Variants in RAB28 observed in about 807,000 individuals in gnomAD.
RAB28 encodes the protein ras-related protein Rab-28.
RAB28 carries 24 observed loss-of-function variants against 31.7 expected under a neutral mutation model. That is an observed-to-expected ratio of 0.76 (90% confidence interval 0.55 to 1.06). RAB28 has a LOEUF of 1.06. RAB28 is among the 50% of genes least tolerant of loss of function. The pLI is 0.00. For missense variants in RAB28, 254 were observed against 258.5 expected (o/e 0.98, Z 0.12); for synonymous variants, 100 against 90.4 (o/e 1.11, Z -0.60).
intron 4 of RAB28, among the ~76,000 whole-genome samples, chr4:13,434,989 A>G (rs1198772573): frequency 1.4e-5 from 2 of 146,328 alleles, no homozygotes; most frequent in Non-Finnish European, 3.0e-5. Context: ...ACTGTACTCC[A>G]GCCTTGGCAC....
chr4:13,409,560 C>T (rs1010939435), intron 4 of RAB28, among the ~76,000 whole-genome samples: 6 of 152,150 alleles, frequency 3.9e-5, no homozygotes, highest in Non-Finnish European at 8.8e-5. Context: ...AGAGATCTGG[C>T]AGGAGCTGGA....
chr4:13,369,962 T>C (rs1728656806), intron 6 of RAB28: 3 of 1,609,494 alleles, frequency 1.9e-6, no homozygotes, highest in Non-Finnish European at 2.5e-6. Flanking sequence ...GCCCTGACAA[T>C]ACGCTGTCAA....
Position 13,368,108 on chromosome 4 carries a change from AG to A in RAB28, c.*449del. 1 of 982,470 alleles carries A rather than the reference AG, an allele frequency of 1.0e-6. No individual in the cohort carries two copies. Among genetic ancestry groups the A allele is most frequent in the Non-Finnish European group, 1.2e-6 (1 of 827,204 alleles). The allele number at this position is 982,470 out of a possible 1,614,324, so 60.9% of individuals were successfully genotyped here. ...AAAGAATGTCTTCATAAGTATCTGT[AG>A]GTAAAATATATTACTTGCTTAATGT... is the stretch of plus-strand genomic sequence containing the variant. On this transcript the variant is annotated 3_prime_UTR_variant, in exon 7 of 7. Transcript: ENST00000330852.
chr4:13,428,080 A>G (rs1438907556), intron 4 of RAB28, among the ~76,000 whole-genome samples: 1 of 152,252 alleles, frequency 6.6e-6, no homozygotes, highest in Non-Finnish European at 1.5e-5. Flanking sequence ...AGAACGGAAC[A>G]GAACAGGGGT....
At chr4:13,373,103 T>C (rs2108874843) in intron 6 of RAB28, among the ~76,000 whole-genome samples, 1 of 152,224 alleles carries the variant, frequency 6.6e-6, no homozygotes, top group South Asian at 2.1e-4. Context: ...ACCAAGTAGA[T>C]ATGGCAAAAC....
chr4:13,466,265 G>C (rs1432569227), intron 3 of RAB28, among the ~76,000 whole-genome samples: 1 of 151,798 alleles, frequency 6.6e-6, no homozygotes, highest in Admixed American at 6.6e-5. Context: ...AAAATTAACA[G>C]TGTGCAGAGA....
intron 1 of RAB28, among the ~76,000 whole-genome samples, chr4:13,480,273 T>A (rs1560149167): frequency 6.6e-6 from 1 of 151,704 alleles, no homozygotes; most frequent in African/African-American, 2.4e-5. Flanking sequence ...CCATTTCTTA[T>A]CAAAGCAAAA....
At chr4:13,438,954 T>A (rs1714273157) in intron 4 of RAB28, among the ~76,000 whole-genome samples, 1 of 152,206 alleles carries the variant, frequency 6.6e-6, no homozygotes, top group Non-Finnish European at 1.5e-5. Context: ...TCTATTCTTT[T>A]TTTTATTATA....
intron 3 of RAB28, among the ~76,000 whole-genome samples, chr4:13,469,603 T>C (rs1716024495): frequency 1.3e-5 from 2 of 152,200 alleles, no homozygotes; most frequent in South Asian, 2.1e-4. Flanking sequence ...GTTTATATAG[T>C]ACTTCGTTTT....
chr4:13,435,032 A>AAAAG (rs929456170), intron 4 of RAB28, among the ~76,000 whole-genome samples: 10 of 150,092 alleles, frequency 6.7e-5, no homozygotes, highest in African/African-American at 2.5e-4. Context: ...AAAAAAAAAA[A>AAAAG]AAAGAAAAGA....
In RAB28 at chr4:13,410,266, T is replaced by A. The variant is rs944786704; in HGVS notation, c.392-28672A>T. 7.8e-4 allele frequency among the ~76,000 whole-genome samples: 118 copies of A among 152,190 alleles called. 2 individuals are homozygous for A. The highest frequency in any genetic ancestry group is 2.7e-3 in the African/African-American group (114 of 41,516). Reference sequence around the variant, plus strand: ...ATAGTATCCCCATGAAACAATAAGCTGATAAACACGTATAAAGGAAGAACA... The same window carrying A: ...ATAGTATCCCCATGAAACAATAAGCAGATAAACACGTATAAAGGAAGAACA... On this transcript the variant is annotated intron_variant, in intron 4 of 6. Coordinates refer to ENST00000330852, the MANE Select transcript of RAB28 (RefSeq NM_001017979.3).
chr4:13,461,977 T>C (rs537680738), intron 3 of RAB28, among the ~76,000 whole-genome samples: 1 of 152,336 alleles, frequency 6.6e-6, no homozygotes, highest in South Asian at 2.1e-4. Context: ...GTCATACTGA[T>C]AGGTAAGTGA....
intron 4 of RAB28, among the ~76,000 whole-genome samples, chr4:13,433,494 T>C (rs942368783): frequency 1.3e-5 from 2 of 152,050 alleles, no homozygotes; most frequent in Admixed American, 6.5e-5. Flanking sequence ...TACTAAAAAG[T>C]AGGCAAAGCA....
At position 13,465,158 on chromosome 4, in the gene RAB28, A is replaced by G. The variant is rs139743141; in HGVS notation, c.262-4330T>C. ...ACAGAACATTAAAGAACAGTGGGAC[A>G]GTCCCAAGTAGGTACATCATACGCA... On this transcript the variant is annotated intron_variant, in intron 3 of 6. Transcript: ENST00000330852. Among the ~76,000 whole-genome samples the G allele has an allele frequency of 5.8e-4, 88 of 152,162 alleles. 2 individuals are homozygous for G. The East Asian group carries it at 0.017, about 29-fold the overall frequency.
At chr4:13,415,379 G>T (rs13144561) in intron 4 of RAB28, among the ~76,000 whole-genome samples, 24,520 of 152,136 alleles carry the variant, frequency 0.16, 2,447 homozygotes, top group Non-Finnish European at 0.21. Context: ...GGCTCCCTCA[G>T]CTTGCAGGGA....
chr4:13,392,402 C>G (rs1729678853), intron 4 of RAB28, among the ~76,000 whole-genome samples: 2 of 152,118 alleles, frequency 1.3e-5, no homozygotes, highest in Non-Finnish European at 2.9e-5. Context: ...TTTTACCAAT[C>G]CAGAGATGAT....
At chr4:13,416,383 A>C (rs550319983) in intron 4 of RAB28, among the ~76,000 whole-genome samples, 12 of 152,236 alleles carry the variant, frequency 7.9e-5, no homozygotes, top group South Asian at 6.2e-4. Flanking sequence ...AGAAGGAACA[A>C]ACTCCAGACA....
At chr4:13,445,183 G>A (rs1191075497) in intron 4 of RAB28, among the ~76,000 whole-genome samples, 2 of 151,554 alleles carry the variant, frequency 1.3e-5, no homozygotes, top group African/African-American at 4.8e-5. Context: ...ATTGATACTT[G>A]TGTATGCTTC....
At chr4:13,483,517 T>C (rs907240756) in intron 1 of RAB28, among the ~76,000 whole-genome samples, 6 of 152,244 alleles carry the variant, frequency 3.9e-5, no homozygotes, top group South Asian at 2.1e-4. Context: ...ACATTTAATA[T>C]GTATTTTCAC....
Sources: gnomAD v4.1 joint callset for allele counts (sites outside exome capture counted in the v4.1 genomes callset) on GRCh38, gnomAD v4.1.1 for gene constraint, MANE v1.5 for transcripts, NCBI Gene and HGNC (gene_info 2026-07-23, HGNC 2026-07-21) for gene names.